Variants in DEPTOR observed in about 807,000 individuals in gnomAD.
The protein encoded by DEPTOR is DEP domain containing MTOR interacting protein.
In DEPTOR, 41 loss-of-function variants were observed where a neutral mutation model predicts 41.6. The ratio of observed to expected loss-of-function variants is 0.98; its 90% CI spans 0.77 to 1.28. The LOEUF (loss-of-function observed/expected upper bound fraction) is 1.28, where lower values mean the gene tolerates loss of function less well. Among genes scored for constraint, DEPTOR ranks in the 50% most tolerant of loss-of-function variants. The pLI is 0.00. For missense variants in DEPTOR, 514 were observed against 527.9 expected, an observed-to-expected ratio of 0.97 and a Z score of 0.26; for synonymous variants, 195 against 192.3, an observed-to-expected ratio of 1.01 and a Z score of -0.12.
In DEPTOR at chr8:119,943,647, C is replaced by T. The variant is rs557042115; in HGVS notation, c.425+13709C>T. ...CACGGTTACTGTCATGCAGCCCTCC[C>T]GTTAACATCTGTCCCCTTTGGGCTC... is the stretch of plus-strand genomic sequence containing the variant. On this transcript the variant is annotated intron_variant, in intron 3 of 8. Coordinates refer to ENST00000286234, the MANE Select transcript of DEPTOR (RefSeq NM_022783.4). Among the ~76,000 whole-genome samples the T allele has an allele frequency of 3.0e-4, 45 of 152,114 alleles. 1 individual carries two copies. In the South Asian group the frequency reaches 9.1e-3, roughly 31 times the overall value.
In DEPTOR at chr8:119,873,783, T is replaced by C; in HGVS notation, c.-64T>C. 6.3e-7 allele frequency: 1 copy of C among 1,598,218 alleles called. No individual in the cohort carries two copies. Among genetic ancestry groups the C allele is most frequent in the Non-Finnish European group, 8.5e-7 (1 of 1,172,560 alleles). On this transcript the variant is annotated 5_prime_UTR_variant, in exon 1 of 9. An upstream open reading frame in the 5' UTR loses its in-frame stop. Transcript: ENST00000286234. ...GCGGGAAGCGTCTGTGAGGGCAGAC[T>C]GATCCGAGCACCCAAACCCTCGGCG...
chr8:119,956,564 GA>G (rs1828418827), intron 3 of DEPTOR, among the ~76,000 whole-genome samples: 1 of 152,076 alleles, frequency 6.6e-6, no homozygotes, highest in Non-Finnish European at 1.5e-5. Flanking sequence ...TCCCTGAAAG[GA>G]AATTCACTGA....
At chr8:119,979,612 T>C (rs2130014313) in intron 4 of DEPTOR, among the ~76,000 whole-genome samples, 1 of 152,256 alleles carries the variant, frequency 6.6e-6, no homozygotes, top group African/African-American at 2.4e-5. Context: ...CTCTGAGTGA[T>C]GACACTTAAC....
At chr8:119,986,364 T>C (rs942020991) in intron 4 of DEPTOR, among the ~76,000 whole-genome samples, 6 of 152,218 alleles carry the variant, frequency 3.9e-5, no homozygotes, top group Admixed American at 3.3e-4. Context: ...CCCCACTCTC[T>C]TCTGTCTTGT....
intron 1 of DEPTOR, among the ~76,000 whole-genome samples, chr8:119,890,279 T>TTTTGTTTG (rs139843525): frequency 0.01 from 1,574 of 150,302 alleles, 18 homozygotes; most frequent in Admixed American, 0.017. Context: ...ATATGAGTTT[T>TTTTGTTTG]TTTGTTTGTT....
At chr8:120,028,907 A>C (rs899309805) in intron 8 of DEPTOR, among the ~76,000 whole-genome samples, 2 of 151,924 alleles carry the variant, frequency 1.3e-5, no homozygotes, top group Non-Finnish European at 2.9e-5. Flanking sequence ...CAATATGGTG[A>C]AACCCCATCT....
rs904049236 is a variant in DEPTOR at position 119,923,009 on chromosome 8, C to A, written c.123-5391C>A. Among the ~76,000 whole-genome samples, 4 of 139,810 alleles carry A rather than the reference C, an allele frequency of 2.9e-5. No individual in the cohort carries two copies. In the South Asian group the frequency reaches 9.5e-4, roughly 33 times the overall value. 91.7% of individuals were successfully genotyped at this position (139,810 alleles called of 152,430 possible). A position where few individuals can be genotyped will look rare whatever the true frequency, so the allele number is the denominator to read the frequency against. ...TTGAAACACCATCCCCGAACATGGG[C>A]TGGTTGTCAAAAGGAAGAACTGAAC... On this transcript the variant is annotated intron_variant, in intron 1 of 8. Transcript: ENST00000286234.
intron 8 of DEPTOR, among the ~76,000 whole-genome samples, chr8:120,029,814 GA>G (rs1812858646): frequency 6.6e-6 from 1 of 152,126 alleles, no homozygotes. Context: ...GCTGACTGGT[GA>G]AAAGTTCACA....
chr8:119,878,955 A>G (rs138059904), intron 1 of DEPTOR, among the ~76,000 whole-genome samples: 2,817 of 151,886 alleles, frequency 0.019, 86 homozygotes, highest in African/African-American at 0.063. Flanking sequence ...TACTAAAAAT[A>G]CAAAATTAGC....
intron 3 of DEPTOR, among the ~76,000 whole-genome samples, chr8:119,958,509 G>A (rs1828447294): frequency 6.6e-6 from 1 of 152,098 alleles, no homozygotes. Context: ...ACGTGGCCGG[G>A]CATGGTGGCT....
intron 4 of DEPTOR, among the ~76,000 whole-genome samples, chr8:119,983,639 C>CTCCCAAAGT (rs1276796415): frequency 2.0e-5 from 3 of 152,218 alleles, no homozygotes; most frequent in Non-Finnish European, 4.4e-5. Flanking sequence ...TTGCCTTGGC[C>CTCCCAAAGT]TCCCAAAGTT....
At chr8:119,894,384 T>A (rs566409668) in intron 1 of DEPTOR, among the ~76,000 whole-genome samples, 7 of 46,488 alleles carry the variant, frequency 1.5e-4, no homozygotes, top group South Asian at 5.3e-4. Context: ...AATAGTTCTT[T>A]TTTATTTATT....
At chr8:119,899,470 A>G (rs538467183) in intron 1 of DEPTOR, among the ~76,000 whole-genome samples, 2 of 152,194 alleles carry the variant, frequency 1.3e-5, no homozygotes, top group African/African-American at 4.8e-5. Flanking sequence ...CTAAACATAG[A>G]CTTATAGAAG....
intron 4 of DEPTOR, among the ~76,000 whole-genome samples, chr8:119,967,912 G>T (rs941390287): frequency 1.3e-5 from 2 of 152,138 alleles, no homozygotes; most frequent in African/African-American, 4.8e-5. Flanking sequence ...GGAAGCCATG[G>T]ATCTAGAGGC....
Position 119,992,172 on chromosome 8 carries a change from A to T in DEPTOR, c.605-9353A>T, listed in dbSNP as rs558895417. On this transcript the variant is annotated intron_variant, in intron 4 of 8. Transcript: ENST00000286234. ...TAGCTAAGAAAATAAGAGGAAAAGG[A>T]GTGAATGGTTGGATAGAGTGCCATC... Among the ~76,000 whole-genome samples, 17 of 152,336 alleles carry T rather than the reference A, an allele frequency of 1.1e-4. No homozygotes were observed. The South Asian group carries it at 3.5e-3, about 32-fold the overall frequency.
At chr8:119,993,323 T>C (rs1376546926) in intron 4 of DEPTOR, among the ~76,000 whole-genome samples, 1 of 152,236 alleles carries the variant, frequency 6.6e-6, no homozygotes, top group Non-Finnish European at 1.5e-5. Context: ...GATCCTGTTG[T>C]ATTTATGTGG....
At chr8:119,873,996 T>C (rs1046157759) in intron 1 of DEPTOR, 28 bp downstream of exon 1, 2 of 1,611,728 alleles carry the variant, frequency 1.2e-6, no homozygotes, top group African/African-American at 2.7e-5. Flanking sequence ...GCGGGTGAGC[T>C]CACGATGGCA....
intron 1 of DEPTOR, among the ~76,000 whole-genome samples, chr8:119,923,893 C>CTTTTTTT (rs769960283): frequency 1.7e-4 from 18 of 104,994 alleles, no homozygotes; most frequent in African/African-American, 5.2e-4. Context: ...TTTTTTCTTT[C>CTTTTTTT]TTTTTTTTTT....
At position 120,009,010 on chromosome 8, in the gene DEPTOR, T is replaced by A; in HGVS notation, c.997-19T>A. ...CCGGAGACAGTCGGCTGCTTGCTAA[T>A]TGTGGTTTTCCTCTCTAGATTGTTG... On this transcript the variant is annotated intron_variant, in intron 7 of 8. Coordinates refer to ENST00000286234, the MANE Select transcript of DEPTOR (RefSeq NM_022783.4). The A allele has an allele frequency of 6.2e-7, 1 of 1,613,094 alleles. No homozygotes were observed. Among genetic ancestry groups the A allele is most frequent in the Non-Finnish European group, 8.5e-7 (1 of 1,179,392 alleles).
Sources: gnomAD v4.1 joint callset for allele counts (sites outside exome capture counted in the v4.1 genomes callset) on GRCh38, gnomAD v4.1.1 for gene constraint, MANE v1.5 for transcripts, NCBI Gene and HGNC (gene_info 2026-07-23, HGNC 2026-07-21) for gene names.